Variants in ANKLE2 observed in about 807,000 individuals in gnomAD.
ANKLE2 encodes the protein ankyrin repeat and LEM domain-containing protein 2.
ANKLE2 carries 55 observed loss-of-function variants against 84.2 expected under a neutral mutation model. The observed-to-expected ratio is 0.65, with a 90% CI of 0.53 to 0.82. The LOEUF is 0.82. Ranked by LOEUF, ANKLE2 falls within the 40% of genes least tolerant of loss-of-function variation. The pLI is 0.00. For synonymous variants in ANKLE2, 551 were observed against 486.1 expected, an observed-to-expected ratio of 1.13 and a Z score of -1.76; for missense variants, 1,238 against 1,201.9, an observed-to-expected ratio of 1.03 and a Z score of -0.44.
intron 1 of ANKLE2, chr12:132,755,427 C>CACA (rs2136180238): frequency 2.3e-5 from 6 of 255,776 alleles, no homozygotes; most frequent in Non-Finnish European, 3.0e-5. Flanking sequence ...TGCCTGTAAT[C>CACA]CCAGCTACTT....
chr12:132,740,174 G>A (rs1593156297), intron 7 of ANKLE2, among the ~76,000 whole-genome samples: 1 of 152,204 alleles, frequency 6.6e-6, no homozygotes, highest in African/African-American at 2.4e-5. Flanking sequence ...TTCCGGCTGG[G>A]CCTCTGCAGC....
intron 9 of ANKLE2, 70 bp downstream of exon 9, chr12:132,735,336 G>T: frequency 7.3e-7 from 1 of 1,373,534 alleles, no homozygotes; most frequent in South Asian, 1.2e-5. Context: ...GCTGTGATTT[G>T]ACCTTCTGTC....
chr12:132,730,004 G>A lies in ANKLE2; in HGVS notation c.2158C>T (p.Arg720Cys), dbSNP rs368204052. ...GGTGGCAGATGGGCTTCCTCCCCAC[G>A]GGGGGCCTTTGGTCTCTTGCCCGCC... Reference protein sequence around the residue: ...TLAGKRPKAPRGEEAHLPPVS... With the variant: ...TLAGKRPKAPCGEEAHLPPVS... Residue 720 changes from arginine to cysteine, a missense_variant, in exon 11 of 13, where the codon CGT becomes TGT. Arg to Cys is a radical substitution (Grantham distance 180, BLOSUM62 -3). Transcript: ENST00000357997. The A allele has an allele frequency of 6.3e-5, 101 of 1,611,662 alleles. No individual in the cohort carries two copies. The African/African-American group carries it at 1.1e-3, about 17-fold the overall frequency.
chr12:132,728,967 A>T (rs950518863), intron 11 of ANKLE2, among the ~76,000 whole-genome samples: 9 of 152,100 alleles, frequency 5.9e-5, no homozygotes, highest in Non-Finnish European at 1.3e-4. Context: ...CACTAGGATC[A>T]CCCACGGTCC....
intron 1 of ANKLE2, chr12:132,755,904 G>A (rs1309495022): frequency 6.6e-6 from 1 of 152,254 alleles, no homozygotes; most frequent in Non-Finnish European, 1.5e-5. Context: ...GAGTGCAGTG[G>A]TGCGATCTCA....
intron 8 of ANKLE2, among the ~76,000 whole-genome samples, chr12:132,736,556 C>A (rs879324701): frequency 1.6e-5 from 2 of 128,454 alleles, no homozygotes; most frequent in African/African-American, 3.1e-5. Context: ...CGGGCAGCCT[C>A]GCTACACCAG....
chr12:132,730,582 G>A (rs1369143703), intron 10 of ANKLE2: 5 of 357,228 alleles, frequency 1.4e-5, no homozygotes, highest in African/African-American at 6.1e-5. Flanking sequence ...CAGCACTCTG[G>A]GAGGCCATGG....
At position 132,761,639 on chromosome 12, in the gene ANKLE2, C is replaced by T; in HGVS notation, c.160G>A (p.Ala54Thr). 1.6e-6 allele frequency: 2 copies of T among 1,264,716 alleles called. No homozygotes were observed. The highest frequency in any genetic ancestry group is 2.0e-6 in the Non-Finnish European group (2 of 1,006,616). 78.3% of individuals were successfully genotyped at this position (1,264,716 alleles called of 1,614,324 possible). A position where few individuals can be genotyped will look rare whatever the true frequency, so the allele number is the denominator to read the frequency against. The part of the protein sequence containing the change: ...RSGTPVPPPS[A>T]AAAPASGEMT... ...TTACCTGAGGCGGGGGCGGCGGCCG[C>T]GCTTGGCGGAGGAACTGGGGTCCCG... Residue 54 changes from alanine (A) to threonine (T), a missense_variant, in exon 1 of 13, where the codon GCG becomes ACG. Coordinates refer to ENST00000357997, the MANE Select transcript of ANKLE2 (RefSeq NM_015114.3).
At chr12:132,747,495 C>T (rs529747053) in intron 5 of ANKLE2, among the ~76,000 whole-genome samples, 12 of 152,218 alleles carry the variant, frequency 7.9e-5, no homozygotes, top group African/African-American at 2.9e-4. Flanking sequence ...CTGTGGTGTG[C>T]ACAGCTCTGC....
intron 3 of ANKLE2, 24 bp downstream of exon 3, chr12:132,750,619 G>A (rs2044333956): frequency 6.2e-7 from 1 of 1,612,056 alleles, no homozygotes; most frequent in South Asian, 1.1e-5. Flanking sequence ...GGAACATCAA[G>A]ATGTGAACGG....
At chr12:132,742,256 T>C (rs1232688655) in intron 6 of ANKLE2, 1 of 156,468 alleles carries the variant, frequency 6.4e-6, no homozygotes, top group African/African-American at 2.4e-5. Flanking sequence ...AATAGCAATT[T>C]CTCAGTTGTA....
chr12:132,737,452 C>G (rs1020885986), intron 7 of ANKLE2: 1 of 158,746 alleles, frequency 6.3e-6, no homozygotes, highest in Admixed American at 6.1e-5. Flanking sequence ...CGGTGGCTCA[C>G]GCCTGTAATC....
chr12:132,746,273 C>G (rs2044236284), intron 5 of ANKLE2, among the ~76,000 whole-genome samples: 1 of 148,506 alleles, frequency 6.7e-6, no homozygotes, highest in Non-Finnish European at 1.5e-5. Flanking sequence ...CAGTTGAACC[C>G]AGGAGGAGGA....
intron 2 of ANKLE2, among the ~76,000 whole-genome samples, chr12:132,752,537 T>C (rs2044379035): frequency 6.6e-6 from 1 of 151,976 alleles, no homozygotes; most frequent in African/African-American, 2.4e-5. Flanking sequence ...ACCCCGCTAA[T>C]TTTCTGTATT....
chr12:132,758,139 G>A (rs1399067680), intron 1 of ANKLE2: 2 of 152,238 alleles, frequency 1.3e-5, no homozygotes, highest in African/African-American at 4.8e-5. Flanking sequence ...GCCGGACACG[G>A]TGGCTCATGC....
chr12:132,753,130 G>A (rs1018085250), intron 2 of ANKLE2, among the ~76,000 whole-genome samples: 2 of 152,024 alleles, frequency 1.3e-5, no homozygotes, highest in Admixed American at 6.6e-5. Flanking sequence ...GGGCAACATG[G>A]GGAAACATTG....
chr12:132,755,101 A>G lies in ANKLE2; in HGVS notation c.214T>C (p.Leu72=), dbSNP rs367660924. The G allele has an allele frequency of 9.9e-6, 16 of 1,610,444 alleles. No homozygotes were observed. The African/African-American group carries it at 1.9e-4, about 19-fold the overall frequency. Residue 72 remains leucine (L), a synonymous_variant, in exon 2 of 13, where the codon TTG becomes CTG. Transcript: ENST00000357997. The part of the protein sequence containing the change: ...EMTMDALLAR[L]KLLNPDDLRE... ...AGGTCATCTGGATTCAGAAGTTTCA[A>G]TCGAGCCAACAGAGCATCCATTGTC...
At position 132,729,956 on chromosome 12, in the gene ANKLE2, ACT is replaced by A; in HGVS notation, c.2204_2205del (p.Glu735ValfsTer2). 1 of 1,613,292 alleles carries A rather than the reference ACT, an allele frequency of 6.2e-7. No individual in the cohort carries two copies. The highest frequency in any genetic ancestry group is 8.5e-7 in the Non-Finnish European group (1 of 1,179,882). Reference protein sequence around the residue: ...HLPPVSDLTVEFDKLNLQNIG... With the variant: ...HLPPVSDLTVXFDKLNLQNIG... ...ATATTTTGCAAATTCAGTTTATCAA[ACT>A]CAACAGTCAAATCCGAGACAGGTGG... On this transcript the variant is annotated frameshift_variant, in exon 11 of 13. Transcript: ENST00000357997. LOFTEE classifies it high-confidence loss of function.
In ANKLE2 at chr12:132,728,068, C is replaced by G. The variant is rs201127081; in HGVS notation, c.2579G>C (p.Ser860Thr). The stretch of plus-strand genomic sequence containing the variant: ...CGAGGGTGAGTAGCACAGGACAGCA[C>G]TCTTCCATCTGTGCACGGCCGGGAA... ...HQFPAVHRWK[S>T]AVLCYSPSDR... The change falls in exon 12 of 13, where the codon AGT becomes ACT. Residue 860 changes from serine (S) to threonine (T), a missense_variant. Coordinates refer to ENST00000357997, the MANE Select transcript of ANKLE2 (RefSeq NM_015114.3). 144 of 1,612,664 alleles carry G rather than the reference C, an allele frequency of 8.9e-5. No individual in the cohort carries two copies. The highest frequency in any genetic ancestry group is 1.1e-4 in the Non-Finnish European group (127 of 1,179,936).
Sources: gnomAD v4.1 joint callset for allele counts (sites outside exome capture counted in the v4.1 genomes callset) on GRCh38, gnomAD v4.1.1 for gene constraint, MANE v1.5 for transcripts, NCBI Gene and HGNC (gene_info 2026-07-23, HGNC 2026-07-21) for gene names.